The following EFHC2 variants were observed in gnomAD, a reference collection of about 807,000 sequenced individuals.
EFHC2 encodes EF-hand domain containing 2, also known as EF-hand domain-containing family member C2.
EFHC2 carries 18 observed loss-of-function variants against 52.7 expected under a neutral mutation model. That is an observed-to-expected ratio of 0.34 (90% confidence interval 0.24 to 0.51). EFHC2 has a LOEUF of 0.51. EFHC2 is among the 20% of genes least tolerant of loss of function. The pLI is 0.97. For synonymous variants in EFHC2, 203 were observed against 204.1 expected, an observed-to-expected ratio of 0.99 and a Z score of 0.04; for missense variants, 513 against 562.5, an observed-to-expected ratio of 0.91 and a Z score of 0.89.
intron 11 of EFHC2, among the ~76,000 whole-genome samples, chrX:44,223,209 A>G (rs1265018334): frequency 8.9e-6 from 1 of 112,555 alleles, no homozygotes; most frequent in African/African-American, 3.2e-5. Context: ...AGAAGGGATT[A>G]ACAGAAGAAA....
intron 1 of EFHC2, among the ~76,000 whole-genome samples, chrX:44,340,594 G>T (rs746421742): frequency 1.8e-5 from 2 of 111,635 alleles, no homozygotes; most frequent in East Asian, 5.7e-4. Flanking sequence ...AGAAGGCGGA[G>T]GTTGCAGTGA....
chrX:44,222,724 G>T (rs2037203264), intron 11 of EFHC2, among the ~76,000 whole-genome samples: 1 of 111,709 alleles, frequency 9.0e-6, no homozygotes, highest in Non-Finnish European at 1.9e-5. Context: ...AATGAAAAGG[G>T]TATCTTTTAT....
intron 2 of EFHC2, among the ~76,000 whole-genome samples, chrX:44,297,183 G>A (rs779166702): frequency 4.5e-5 from 5 of 111,776 alleles, no homozygotes; most frequent in African/African-American, 1.3e-4. Flanking sequence ...TAAAAACATG[G>A]CCAGGATGAA....
rs761075009 is a variant in EFHC2, at chrX:44,189,625, G to A, written c.1752-11061C>T. Among the ~76,000 whole-genome samples the A allele has an allele frequency of 2.6e-4, 29 of 111,435 alleles. 1 individual carries two copies. In the East Asian group the frequency reaches 5.1e-3, roughly 20 times the overall value. On this transcript the variant is annotated intron_variant, in intron 11 of 14. Coordinates refer to ENST00000420999, the MANE Select transcript of EFHC2 (RefSeq NM_025184.4). ...CCCACCACTCAGGAAGCAATGCAGAGGTAGGCACGGGAGTGCATCTGAGAT... is the reference window on the plus strand; with the variant it reads ...CCCACCACTCAGGAAGCAATGCAGAAGTAGGCACGGGAGTGCATCTGAGAT...
intron 2 of EFHC2, among the ~76,000 whole-genome samples, chrX:44,275,094 A>G (rs1005675514): frequency 8.1e-5 from 9 of 111,623 alleles, no homozygotes; most frequent in African/African-American, 2.9e-4. Context: ...TGCCAGTATA[A>G]ATTTGAGAAT....
chrX:44,160,659 T>C (rs1187256523), intron 14 of EFHC2, among the ~76,000 whole-genome samples: 1 of 112,274 alleles, frequency 8.9e-6, no homozygotes, highest in Non-Finnish European at 1.9e-5. Context: ...CGGTGGCTCA[T>C]GCCCGTACTC....
chrX:44,212,658 C>T (rs2037109124), intron 11 of EFHC2, among the ~76,000 whole-genome samples: 2 of 111,282 alleles, frequency 1.8e-5, no homozygotes, highest in Non-Finnish European at 3.8e-5. Context: ...CCTGCCCCCA[C>T]ACCTTACCAT....
chrX:44,184,445 G>A (rs777989410), intron 11 of EFHC2, among the ~76,000 whole-genome samples: 14 of 111,635 alleles, frequency 1.3e-4, no homozygotes, highest in African/African-American at 4.6e-4. Context: ...ACCTCTGGCC[G>A]GGCGTGGTGG....
At chrX:44,163,695 T>A (rs2036674545) in intron 14 of EFHC2, among the ~76,000 whole-genome samples, 1 of 111,562 alleles carries the variant, frequency 9.0e-6, no homozygotes, top group Non-Finnish European at 1.9e-5. Context: ...CGATCGAGGT[T>A]AAAAAAAATT....
At chrX:44,194,915 C>A (rs1387608587) in intron 11 of EFHC2, among the ~76,000 whole-genome samples, 1 of 111,754 alleles carries the variant, frequency 8.9e-6, no homozygotes, top group Non-Finnish European at 1.9e-5. Context: ...ACTTCATGCC[C>A]AAGCCTCCTG....
intron 2 of EFHC2, among the ~76,000 whole-genome samples, chrX:44,296,486 C>CA (rs35016849): frequency 1.8e-5 from 2 of 109,378 alleles, no homozygotes; most frequent in South Asian, 3.9e-4. Flanking sequence ...TATTTTAAGC[C>CA]AAAAAAAGGG....
chrX:44,284,149 C>A (rs1365246338), intron 2 of EFHC2: 1 of 112,004 alleles, frequency 8.9e-6, no homozygotes, highest in African/African-American at 3.2e-5. Flanking sequence ...CACAGAAATT[C>A]TTTCTCCTCC....
In EFHC2 at chrX:44,307,171, G is replaced by A. The variant is rs180830443; in HGVS notation, c.231+5397C>T. Among the ~76,000 whole-genome samples the A allele has an allele frequency of 1.3e-3, 139 of 110,526 alleles. 4 individuals are homozygous for A. Among genetic ancestry groups the A allele is most frequent in the Admixed American group, 0.012 (129 of 10,437 alleles). On this transcript the variant is annotated intron_variant, in intron 2 of 14. Transcript: ENST00000420999. The stretch of plus-strand genomic sequence containing the variant: ...CCATTTGTCACAGCTGGGGGTGGGG[G>A]ATCACCACCCCAGCATGGATCTGGG...
At chrX:44,294,418 G>C (rs1189268607) in intron 2 of EFHC2, among the ~76,000 whole-genome samples, 1 of 110,554 alleles carries the variant, frequency 9.0e-6, no homozygotes, top group African/African-American at 3.3e-5. Flanking sequence ...TGGATATGAT[G>C]CCCTTTATGT....
chrX:44,315,016 C>A (rs1050010198), intron 1 of EFHC2, among the ~76,000 whole-genome samples: 1 of 111,316 alleles, frequency 9.0e-6, no homozygotes, highest in African/African-American at 3.3e-5. Context: ...GAGGTGGGGG[C>A]CTGGTGGGAG....
At chrX:44,187,135 G>GTGTGTATATATATATATATA (rs1556001678) in intron 11 of EFHC2, among the ~76,000 whole-genome samples, 1 of 61,736 alleles carries the variant, frequency 1.6e-5, no homozygotes, top group African/African-American at 8.2e-5. Flanking sequence ...AAACAAAATG[G>GTGTGTATATATATATATATA]TATATATATA....
At chrX:44,290,724 C>A (rs1474489932) in intron 2 of EFHC2, among the ~76,000 whole-genome samples, 2 of 111,852 alleles carry the variant, frequency 1.8e-5, no homozygotes, top group Non-Finnish European at 3.8e-5. Context: ...GGAAAAACTT[C>A]TAATTTTCCA....
intron 1 of EFHC2, among the ~76,000 whole-genome samples, chrX:44,332,511 G>A (rs1394885775): frequency 9.0e-6 from 1 of 111,368 alleles, no homozygotes; most frequent in East Asian, 2.8e-4. Context: ...AAATAAAAAT[G>A]CACATCCCTC....
intron 2 of EFHC2, among the ~76,000 whole-genome samples, chrX:44,305,118 C>T (rs2037895528): frequency 9.1e-6 from 1 of 109,707 alleles, no homozygotes; most frequent in Non-Finnish European, 1.9e-5. Flanking sequence ...AAAAATTAGC[C>T]GGGTGTGGTG....
Sources: allele counts gnomAD v4.1 joint callset (sites outside exome capture counted in the v4.1 genomes callset), GRCh38; gene constraint gnomAD v4.1.1; transcripts MANE v1.5; gene names NCBI Gene and HGNC (gene_info 2026-07-23, HGNC 2026-07-21).